PRKN: variants seen among roughly 807,000 people sequenced by gnomAD.
The protein encoded by PRKN is E3 ubiquitin-protein ligase parkin.
Under a neutral mutation model 59.5 loss-of-function variants are expected in PRKN, and 56 were observed. The observed-to-expected ratio is 0.94, with a 90% CI of 0.76 to 1.18. The LOEUF (loss-of-function observed/expected upper bound fraction) is 1.18, where lower values mean the gene tolerates loss of function less well. Ranked by LOEUF, PRKN falls within the 50% of genes most tolerant of loss-of-function variation. PRKN has a pLI of 0.00. For missense variants in PRKN, 657 were observed against 596.4 expected, an observed-to-expected ratio of 1.10 and a Z score of -1.06; for synonymous variants, 250 against 222.1, an observed-to-expected ratio of 1.13 and a Z score of -1.12.
In PRKN at chr6:161,575,996, C is replaced by A. The variant is rs1353424751; in HGVS notation, c.872-6580G>T. ...GCATGGGCCACATGTGCAGGCTGGG[C>A]TGCAGCAGTGAAGGAATCCAGTGGG... On this transcript the variant is annotated intron_variant, in intron 7 of 11. Coordinates refer to ENST00000366898, the MANE Select transcript of PRKN (RefSeq NM_004562.3). The surrounding 1 kb of genome is among the most constrained non-coding windows in gnomAD (Gnocchi z 4.6). Among the ~76,000 whole-genome samples, 2 of 152,212 alleles carry A rather than the reference C, an allele frequency of 1.3e-5. No homozygotes were observed. Among genetic ancestry groups the A allele is most frequent in the Non-Finnish European group, 2.9e-5 (2 of 68,036 alleles).
chr6:162,628,926 C>T (rs1423307157), intron 1 of PRKN, among the ~76,000 whole-genome samples: 1 of 152,076 alleles, frequency 6.6e-6, no homozygotes, highest in Non-Finnish European at 1.5e-5. Context: ...TATAAGGAAA[C>T]TGTACTAAAA....
chr6:162,526,122 C>T (rs1245863677), intron 1 of PRKN, among the ~76,000 whole-genome samples: 1 of 152,130 alleles, frequency 6.6e-6, no homozygotes, highest in Non-Finnish European at 1.5e-5. Context: ...GGATTACAGG[C>T]ATGAGCCACT....
At chr6:162,502,749 T>G (rs1793429901) in intron 1 of PRKN, among the ~76,000 whole-genome samples, 1 of 152,048 alleles carries the variant, frequency 6.6e-6, no homozygotes, top group Admixed American at 6.6e-5. Flanking sequence ...TGGAAAATAT[T>G]TGGGTGATGA....
chr6:162,727,320 A>AGGGGCGGCGGCGGGGCGACGGTGT, intron 1 of PRKN: 1 of 359,780 alleles, frequency 2.8e-6, no homozygotes, highest in East Asian at 5.4e-5. Context: ...GGCGAAGGTG[A>AGGGGCGGCGGCGGGGCGACGGTGT]GGGGCGGCGG....
intron 1 of PRKN, among the ~76,000 whole-genome samples, chr6:162,662,900 CT>C (rs1213607033): frequency 1.3e-5 from 2 of 152,074 alleles, no homozygotes; most frequent in Non-Finnish European, 2.9e-5. Flanking sequence ...TAGAGATTTT[CT>C]GTTCCAAAGG....
At chr6:161,614,947 T>C (rs1253417698) in intron 7 of PRKN, among the ~76,000 whole-genome samples, 2 of 140,956 alleles carry the variant, frequency 1.4e-5, no homozygotes, top group African/African-American at 5.7e-5. Context: ...ATTTTTAGTT[T>C]TCTGGGAGAG....
chr6:162,206,179 G>A (rs1784930438), intron 3 of PRKN, among the ~76,000 whole-genome samples: 1 of 152,092 alleles, frequency 6.6e-6, no homozygotes, highest in South Asian at 2.1e-4. Context: ...AGACGCACCT[G>A]GACAGCAATG....
intron 9 of PRKN, among the ~76,000 whole-genome samples, chr6:161,532,166 C>CTCTATATA (rs1355724171): frequency 2.5e-4 from 29 of 115,410 alleles, no homozygotes; most frequent in African/African-American, 6.3e-4. Context: ...CTCTCTCTCT[C>CTCTATATA]TATATATATA....
At chr6:161,834,109 C>T (rs925473964) in intron 6 of PRKN, among the ~76,000 whole-genome samples, 1 of 151,946 alleles carries the variant, frequency 6.6e-6, no homozygotes, top group Non-Finnish European at 1.5e-5. Flanking sequence ...GGGTCTCCAG[C>T]ACACAGTGAG....
chr6:162,559,798 CCTA>C (rs1779761952), intron 1 of PRKN, among the ~76,000 whole-genome samples: 3 of 152,216 alleles, frequency 2.0e-5, no homozygotes, highest in African/African-American at 7.2e-5. Flanking sequence ...CAACACATAT[CCTA>C]CTGATATTTT....
chr6:162,549,204 G>A (rs1487214319), intron 1 of PRKN, among the ~76,000 whole-genome samples: 1 of 152,086 alleles, frequency 6.6e-6, no homozygotes, highest in Non-Finnish European at 1.5e-5. Flanking sequence ...CAACCCAGAA[G>A]ACGGCCCTCC....
In PRKN at chr6:162,710,936, C is replaced by A. The variant is rs372244323; in HGVS notation, c.7+16726G>T. 5.1e-3 allele frequency among the ~76,000 whole-genome samples: 781 copies of A among 152,288 alleles called. 7 individuals carry two copies. The highest frequency in any genetic ancestry group is 0.017 in the African/African-American group (713 of 41,548). ...AAGGGCACAGTGCATCCAGCCCTAG[C>A]ATCACCCAGTATTAAATGAAAATAA... On this transcript the variant is annotated intron_variant, in intron 1 of 11. Transcript: ENST00000366898.
intron 4 of PRKN, among the ~76,000 whole-genome samples, chr6:162,149,507 G>C (rs1327400954): frequency 6.6e-6 from 1 of 152,080 alleles, no homozygotes; most frequent in Non-Finnish European, 1.5e-5. Flanking sequence ...GCCTCCCAAA[G>C]TGCAGGGATT....
chr6:162,082,499 A>G (rs2128293883), intron 4 of PRKN, among the ~76,000 whole-genome samples: 1 of 152,210 alleles, frequency 6.6e-6, no homozygotes, highest in Non-Finnish European at 1.5e-5. Context: ...TATCAGCAAT[A>G]AAGCTGTTTT....
chr6:161,785,101 G>A (rs971327401), intron 7 of PRKN, among the ~76,000 whole-genome samples: 4 of 152,210 alleles, frequency 2.6e-5, no homozygotes, highest in Non-Finnish European at 5.9e-5. Flanking sequence ...GCCAGGGCTA[G>A]GACAGGGGGT....
At chr6:162,221,502 CT>C (rs1777934252) in intron 3 of PRKN, among the ~76,000 whole-genome samples, 2 of 152,146 alleles carry the variant, frequency 1.3e-5, no homozygotes, top group South Asian at 4.1e-4. Context: ...AATTCATAGA[CT>C]TCAATTAAAT....
At chr6:162,577,846 T>C (rs889287624) in intron 1 of PRKN, among the ~76,000 whole-genome samples, 9 of 152,244 alleles carry the variant, frequency 5.9e-5, no homozygotes, top group African/African-American at 1.7e-4. Context: ...AGAGGATCAC[T>C]GGAGCCCAGG....
chr6:162,268,836 G>C (rs1780246231), intron 2 of PRKN, among the ~76,000 whole-genome samples: 1 of 152,198 alleles, frequency 6.6e-6, no homozygotes, highest in Non-Finnish European at 1.5e-5. Flanking sequence ...GTGAAGACCA[G>C]GGTTTGGATG....
intron 7 of PRKN, among the ~76,000 whole-genome samples, chr6:161,696,689 T>C (rs1334772342): frequency 6.6e-6 from 1 of 152,236 alleles, no homozygotes; most frequent in Non-Finnish European, 1.5e-5. Flanking sequence ...TTCAAGTATC[T>C]AATTCTACCC....
Sources: gnomAD v4.1 joint callset for allele counts (sites outside exome capture counted in the v4.1 genomes callset) on GRCh38, gnomAD v4.1.1 for gene constraint, Gnocchi (gnomAD v3.1) non-coding constraint, MANE v1.5 for transcripts, NCBI Gene and HGNC (gene_info 2026-07-23, HGNC 2026-07-21) for gene names.